The following CNTLN variants were observed in gnomAD, a reference collection of about 807,000 sequenced individuals.
CNTLN encodes centlein.
A neutral mutation model predicts 180.0 loss-of-function variants in CNTLN; 212 were observed. The ratio of observed to expected loss-of-function variants is 1.18; its 90% CI spans 1.05 to 1.32. The LOEUF (loss-of-function observed/expected upper bound fraction) is 1.32. Among genes scored for constraint, CNTLN ranks in the 40% most tolerant of loss-of-function variants. The pLI, the probability that CNTLN is intolerant of heterozygous loss-of-function variation, is 0.00. For missense variants in CNTLN, 2,095 were observed against 1,610.9 expected, an observed-to-expected ratio of 1.30 and a Z score of -5.14; for synonymous variants, 722 against 563.1, an observed-to-expected ratio of 1.28 and a Z score of -3.99.
intron 2 of CNTLN, among the ~76,000 whole-genome samples, chr9:17,217,864 GT>G (rs1321443299): frequency 6.6e-6 from 1 of 152,088 alleles, no homozygotes; most frequent in East Asian, 1.9e-4. Context: ...AAAAGGTTTT[GT>G]TTTGAGTTTC....
chr9:17,340,979 C>T (rs1239406817), intron 11 of CNTLN, 31 bp downstream of exon 11: 1 of 1,580,208 alleles, frequency 6.3e-7, no homozygotes. Flanking sequence ...AGGCATTTCC[C>T]TAAATATTAA....
intron 3 of CNTLN, among the ~76,000 whole-genome samples, chr9:17,235,438 C>CCAGTTTTTA (rs1361999750): frequency 1.3e-5 from 2 of 151,882 alleles, no homozygotes. Flanking sequence ...TATTTAATAT[C>CCAGTTTTTA]CAGTTTTTAT....
At chr9:17,418,882 A>G (rs958027822) in intron 18 of CNTLN, among the ~76,000 whole-genome samples, 1 of 152,036 alleles carries the variant, frequency 6.6e-6, no homozygotes, top group Non-Finnish European at 1.5e-5. Flanking sequence ...TTAAAGTACC[A>G]TTGTTCGTTA....
intron 7 of CNTLN, chr9:17,301,278 G>C (rs1049626797): frequency 6.1e-6 from 6 of 985,328 alleles, no homozygotes; most frequent in Non-Finnish European, 7.2e-6. Flanking sequence ...ATTGTGATCT[G>C]GGGTACATTT....
chr9:17,483,648 G>A (rs895770551), intron 23 of CNTLN, among the ~76,000 whole-genome samples: 1 of 152,174 alleles, frequency 6.6e-6, no homozygotes, highest in African/African-American at 2.4e-5. Flanking sequence ...ACGTAGGTGT[G>A]GTATGGGCTA....
At position 17,289,701 on chromosome 9, in the gene CNTLN, C is replaced by T. The variant is rs1314778014; in HGVS notation, c.984-8489C>T. Among the ~76,000 whole-genome samples, 3 of 138,216 alleles carry T rather than the reference C, an allele frequency of 2.2e-5. No homozygotes were observed. In the South Asian group the frequency reaches 7.8e-4, roughly 36 times the overall value. The allele number at this position is 138,216 out of a possible 152,430, so 90.7% of individuals were successfully genotyped here. On this transcript the variant is annotated intron_variant, in intron 6 of 25. Coordinates refer to ENST00000380647, the MANE Select transcript of CNTLN (RefSeq NM_017738.4). ...AGTCCCATATTTCTTGGAGGCTTTG[C>T]TCATTTCTTTTTATTCTTTTTTCTC...
intron 5 of CNTLN, among the ~76,000 whole-genome samples, chr9:17,268,169 A>ATC (rs982725643): frequency 6.6e-6 from 1 of 151,802 alleles, no homozygotes; most frequent in African/African-American, 2.4e-5. Context: ...TTGTGGTTTT[A>ATC]TCTACTTTTG....
chr9:17,211,679 A>G (rs1448917111), intron 2 of CNTLN, among the ~76,000 whole-genome samples: 1 of 152,134 alleles, frequency 6.6e-6, no homozygotes, highest in Non-Finnish European at 1.5e-5. Flanking sequence ...GATTCTTCCT[A>G]TCCATGAGCA....
intron 6 of CNTLN, among the ~76,000 whole-genome samples, chr9:17,295,190 C>G (rs1817787925): frequency 6.6e-6 from 1 of 152,058 alleles, no homozygotes; most frequent in African/African-American, 2.4e-5. Context: ...CACGCAGCCC[C>G]AGTTCCCGCC....
chr9:17,486,511 G>A (rs974949085), intron 24 of CNTLN, among the ~76,000 whole-genome samples: 1 of 151,964 alleles, frequency 6.6e-6, no homozygotes, highest in African/African-American at 2.4e-5. Flanking sequence ...GTAGATTATT[G>A]GATAGTTTGA....
At position 17,484,470 on chromosome 9, in the gene CNTLN, A is replaced by C; in HGVS notation, c.4031A>C (p.Glu1344Ala). Residue 1344 changes from glutamate (E) to alanine (A), a missense_variant, in exon 24 of 26, where the codon GAA becomes GCA. By Grantham distance (107) the Glu-to-Ala change is moderately radical. Coordinates refer to ENST00000380647, the MANE Select transcript of CNTLN (RefSeq NM_017738.4). ...GATTTAGAGGAAATATTAGACACAG[A>C]AGATCAAGTGGTAAGATCATTTAAA... ...RSDLEEILDT[E>A]DQVEIEKTKI... 6.3e-7 allele frequency: 1 copy of C among 1,596,284 alleles called. No individual in the cohort carries two copies. The highest frequency in any genetic ancestry group is 8.5e-7 in the Non-Finnish European group (1 of 1,175,434).
In CNTLN at chr9:17,464,541, T is replaced by C. The variant is rs372876219; in HGVS notation, c.3449T>C (p.Ile1150Thr). 7 of 1,529,986 alleles carry C rather than the reference T, an allele frequency of 4.6e-6. No individual in the cohort carries two copies. The highest frequency in any genetic ancestry group is 6.1e-6 in the Non-Finnish European group (7 of 1,146,840). The allele number at this position is 1,529,986 out of a possible 1,614,324, so 94.8% of individuals were successfully genotyped here. Residue 1150 changes from isoleucine to threonine, a missense_variant, in exon 21 of 26, where the codon ATA (isoleucine) becomes ACA (threonine). Transcript: ENST00000380647. ...ERDITMKRHL[I>T]EDLKFRQKVN... is the part of the protein sequence containing the mutation. ...GATATAACTATGAAAAGACATTTGA[T>C]AGAGGACTTGAAATTTCGACAGAAA...
chr9:17,475,626 A>C (rs1413695280), intron 23 of CNTLN, among the ~76,000 whole-genome samples: 3 of 152,058 alleles, frequency 2.0e-5, no homozygotes, highest in Non-Finnish European at 2.9e-5. Context: ...TAATCCTAGC[A>C]CTTCGGGAGG....
At chr9:17,322,449 A>G (rs984587216) in intron 8 of CNTLN, among the ~76,000 whole-genome samples, 1 of 152,084 alleles carries the variant, frequency 6.6e-6, no homozygotes, top group Non-Finnish European at 1.5e-5. Context: ...CTGCCAATAG[A>G]TATTCTGATA....
chr9:17,411,679 C>T (rs1827853833), intron 16 of CNTLN, among the ~76,000 whole-genome samples: 1 of 152,166 alleles, frequency 6.6e-6, no homozygotes, highest in African/African-American at 2.4e-5. Context: ...ATGAACCCCG[C>T]TGTGAACTGC....
intron 2 of CNTLN, among the ~76,000 whole-genome samples, chr9:17,175,698 T>G (rs57054185): frequency 7.7e-4 from 117 of 152,284 alleles, no homozygotes; most frequent in African/African-American, 2.6e-3. Flanking sequence ...GGTTTTGAGT[T>G]GAACCTAGAT....
At chr9:17,427,080 T>C (rs1216503140) in intron 18 of CNTLN, among the ~76,000 whole-genome samples, 1 of 152,098 alleles carries the variant, frequency 6.6e-6, no homozygotes, top group Non-Finnish European at 1.5e-5. Context: ...GAACTGAAGT[T>C]GCAGCACTCC....
intron 13 of CNTLN, among the ~76,000 whole-genome samples, chr9:17,367,078 G>GA (rs1305196872): frequency 6.6e-6 from 1 of 152,174 alleles, no homozygotes; most frequent in African/African-American, 2.4e-5. Context: ...TCAAATGACT[G>GA]AAAGAGGCAC....
chr9:17,306,850 G>C (rs1204567236), intron 7 of CNTLN, among the ~76,000 whole-genome samples: 1 of 152,130 alleles, frequency 6.6e-6, no homozygotes, highest in Non-Finnish European at 1.5e-5. Context: ...TTAGAAAGTG[G>C]TTAAATATTC....
Sources: allele counts gnomAD v4.1 joint callset (sites outside exome capture counted in the v4.1 genomes callset), GRCh38; gene constraint gnomAD v4.1.1; transcripts MANE v1.5; gene names NCBI Gene and HGNC (gene_info 2026-07-23, HGNC 2026-07-21).